Variants in HORMAD2 observed in about 807,000 individuals in gnomAD.
The protein encoded by HORMAD2 is HORMA domain containing 2.
Under a neutral mutation model 38.8 loss-of-function variants are expected in HORMAD2, and 45 were observed. The observed-to-expected ratio is 1.16, with a 90% CI of 0.91 to 1.49. The LOEUF (loss-of-function observed/expected upper bound fraction) is 1.49. HORMAD2 is among the 40% of genes most tolerant of loss of function. HORMAD2 has a pLI of 0.00. For synonymous variants in HORMAD2, 126 were observed against 122.8 expected (o/e 1.03, Z -0.17); for missense variants, 338 against 367.0 (o/e 0.92, Z 0.65).
the HORMAD2 span, among the ~76,000 whole-genome samples, chr22:30,183,531 G>A: frequency 5.6e-4 from 85 of 152,248 alleles, no homozygotes; most frequent in Non-Finnish European, 1.1e-3. Context: ...ACCTACATGT[G>A]CTCATTCATT....
chr22:30,184,640 C>G, the HORMAD2 span: 1 of 152,136 alleles, frequency 6.6e-6, no homozygotes, highest in African/African-American at 2.4e-5. Flanking sequence ...CGATGGCATT[C>G]AAATTCCAGA....
chr22:30,132,723 A>G (rs934952843), intron 10 of HORMAD2, among the ~76,000 whole-genome samples: 1 of 152,208 alleles, frequency 6.6e-6, no homozygotes, highest in Non-Finnish European at 1.5e-5. Context: ...GAGGAATGAA[A>G]GTTGGTTGAC....
intron 1 of HORMAD2, among the ~76,000 whole-genome samples, chr22:30,085,089 T>G (rs1378314009): frequency 6.7e-6 from 1 of 149,866 alleles, no homozygotes; most frequent in African/African-American, 2.5e-5. Flanking sequence ...GGTCTTGCAG[T>G]GAGCCGAGAT....
chr22:30,078,655 C>G (rs1413350271), upstream of HORMAD2, among the ~76,000 whole-genome samples: 1 of 125,226 alleles, frequency 8.0e-6, no homozygotes, highest in Non-Finnish European at 1.6e-5. Flanking sequence ...GAGAGAAATT[C>G]TATGAAAGAA....
intron 3 of HORMAD2, among the ~76,000 whole-genome samples, chr22:30,102,348 C>A (rs1180349725): frequency 6.6e-6 from 1 of 152,162 alleles, no homozygotes; most frequent in Non-Finnish European, 1.5e-5. Context: ...ATACCATTCC[C>A]TATAGCTTTA....
At chr22:30,111,166 A>AAAAAG (rs1377738427) in intron 5 of HORMAD2, among the ~76,000 whole-genome samples, 14 of 150,772 alleles carry the variant, frequency 9.3e-5, no homozygotes, top group South Asian at 6.3e-4. Flanking sequence ...AAAAAAAAAA[A>AAAAAG]AAAGAAAGAA....
chr22:30,137,353 G>T, intron 10 of HORMAD2: 1 of 497,478 alleles, frequency 2.0e-6, no homozygotes, highest in South Asian at 1.6e-5. Flanking sequence ...ACTGAACATA[G>T]CAGGTGCTTT....
chr22:30,102,425 C>T (rs993821422), intron 3 of HORMAD2, among the ~76,000 whole-genome samples: 1 of 152,142 alleles, frequency 6.6e-6, no homozygotes, highest in Non-Finnish European at 1.5e-5. Context: ...AAGTAATATA[C>T]ATCATAAAAA....
downstream of HORMAD2, among the ~76,000 whole-genome samples, chr22:30,177,623 G>A (rs1926529957): frequency 6.6e-6 from 1 of 150,816 alleles, no homozygotes; most frequent in Admixed American, 6.6e-5. Context: ...GAGATTAGCT[G>A]TCTAGTAGAG....
chr22:30,087,509 A>T (rs1368738727), intron 1 of HORMAD2, among the ~76,000 whole-genome samples: 1 of 152,152 alleles, frequency 6.6e-6, no homozygotes, highest in East Asian at 1.9e-4. Context: ...GCTCTGTTTT[A>T]GTCTGTTCTT....
chr22:30,166,279 T>C (rs1925776796), intron 10 of HORMAD2, among the ~76,000 whole-genome samples: 1 of 152,162 alleles, frequency 6.6e-6, no homozygotes, highest in Non-Finnish European at 1.5e-5. Flanking sequence ...TTCTATTTAC[T>C]TGTATAATAT....
intron 10 of HORMAD2, among the ~76,000 whole-genome samples, chr22:30,170,290 T>C (rs1456433783): frequency 6.6e-6 from 1 of 152,186 alleles, no homozygotes; most frequent in Non-Finnish European, 1.5e-5. Flanking sequence ...CAACTCACTG[T>C]ATTTCCTGGC....
chr22:30,191,588 C>T, the HORMAD2 span, among the ~76,000 whole-genome samples: 243 of 152,236 alleles, frequency 1.6e-3, no homozygotes, highest in African/African-American at 5.6e-3. Context: ...GGTAGCTCTG[C>T]CAGATACTGA....
At chr22:30,179,867 A>G (rs747369039), downstream of HORMAD2, among the ~76,000 whole-genome samples, 29 of 152,178 alleles carry the variant, frequency 1.9e-4, no homozygotes, top group Non-Finnish European at 3.4e-4. Flanking sequence ...CTTTAGTAGT[A>G]AAGTAGTAAA....
intron 10 of HORMAD2, among the ~76,000 whole-genome samples, chr22:30,161,173 A>G (rs536514061): frequency 6.6e-6 from 1 of 152,302 alleles, no homozygotes; most frequent in African/African-American, 2.4e-5. Flanking sequence ...TGAGGTTTAG[A>G]TATTGCACCA....
At chr22:30,092,706 G>T (rs565548201) in intron 1 of HORMAD2, among the ~76,000 whole-genome samples, 13 of 152,058 alleles carry the variant, frequency 8.5e-5, no homozygotes, top group Non-Finnish European at 1.8e-4. Flanking sequence ...CTTCTGCTGT[G>T]GATATGCAGT....
chr22:30,091,807 A>G (rs529643011), intron 1 of HORMAD2, among the ~76,000 whole-genome samples: 1 of 152,194 alleles, frequency 6.6e-6, no homozygotes, highest in East Asian at 1.9e-4. Context: ...TCTTACCAAC[A>G]GTGTATAAGA....
the HORMAD2 span, among the ~76,000 whole-genome samples, chr22:30,204,666 G>T: frequency 6.6e-6 from 1 of 152,224 alleles, no homozygotes. Flanking sequence ...ATTTCCAGGG[G>T]TCTAATGAGA....
chr22:30,124,462 C>T (rs1922695740), intron 10 of HORMAD2, among the ~76,000 whole-genome samples: 1 of 152,184 alleles, frequency 6.6e-6, no homozygotes, highest in South Asian at 2.1e-4. Context: ...CCCTTAGAAG[C>T]CACCACGTGT....
Sources: allele counts gnomAD v4.1 joint callset (sites outside exome capture counted in the v4.1 genomes callset), GRCh38; gene constraint gnomAD v4.1.1; transcripts MANE v1.5; gene names NCBI Gene and HGNC (gene_info 2026-07-23, HGNC 2026-07-21).